Variants in EBAG9 observed in about 807,000 individuals in gnomAD.
EBAG9 encodes the protein estrogen receptor binding site associated antigen 9.
EBAG9 carries 16 observed loss-of-function variants against 30.9 expected under a neutral mutation model. The ratio of observed to expected loss-of-function variants is 0.52; its 90% confidence interval spans 0.35 to 0.79. The LOEUF (loss-of-function observed/expected upper bound fraction) is 0.79, where lower values mean the gene tolerates loss of function less well. Ranked by LOEUF, EBAG9 falls within the 30% of genes least tolerant of loss-of-function variation. EBAG9 has a pLI of 0.01. For missense variants in EBAG9, 197 were observed against 242.1 expected (o/e 0.81, Z 1.24); for synonymous variants, 93 against 82.8 (o/e 1.12, Z -0.67).
rs563532862 is a variant in EBAG9, at chr8:109,564,746, CAAAA to C, written c.*190_*193del. 14 of 643,292 alleles carry C rather than the reference CAAAA, an allele frequency of 2.2e-5. No individual in the cohort carries two copies. In the Admixed American group the frequency reaches 4.8e-4, roughly 22 times the overall value. 39.8% of individuals were successfully genotyped at this position (643,292 alleles called of 1,614,324 possible). A position where few individuals can be genotyped will look rare whatever the true frequency, so the allele number is the denominator to read the frequency against. The stretch of plus-strand genomic sequence containing the variant: ...TCTTAGTGATTGAGACTCAAAAAAA[CAAAA>C]AAGACTTGAGACAATGTTTTCTTCA... On this transcript the variant is annotated 3_prime_UTR_variant, in exon 7 of 7. Coordinates refer to ENST00000337573, the MANE Select transcript of EBAG9 (RefSeq NM_004215.5).
intron 1 of EBAG9, among the ~76,000 whole-genome samples, chr8:109,550,093 CTTAT>C (rs1821462753): frequency 6.6e-6 from 1 of 152,020 alleles, no homozygotes; most frequent in Non-Finnish European, 1.5e-5. Context: ...CGTCTGTCAT[CTTAT>C]TTGTTTTTGG....
intron 5 of EBAG9, among the ~76,000 whole-genome samples, chr8:109,558,110 T>A (rs1487891063): frequency 6.6e-6 from 1 of 152,250 alleles, no homozygotes; most frequent in Non-Finnish European, 1.5e-5. Flanking sequence ...GACATATTTT[T>A]AAATTACATC....
intron 1 of EBAG9, among the ~76,000 whole-genome samples, chr8:109,548,909 G>C (rs1821440135): frequency 7.4e-6 from 1 of 135,888 alleles, no homozygotes. Flanking sequence ...TTTTTTGCTG[G>C]ATTGCATTGG....
intron 6 of EBAG9, 150 bp downstream of exon 6, chr8:109,561,079 G>A: frequency 3.2e-6 from 2 of 625,424 alleles, no homozygotes; most frequent in Non-Finnish European, 5.4e-6. Flanking sequence ...TTGTATTTCA[G>A]ACTGCAGATA....
At position 109,564,695 on chromosome 8, in the gene EBAG9, C is replaced by T; in HGVS notation, c.*136C>T. On this transcript the variant is annotated 3_prime_UTR_variant, in exon 7 of 7. Transcript: ENST00000337573. ...ACATTGATCAGGCCATCCAGGACAC[C>T]ACGATTCTCCCAAAGTACCTTGAAC... The T allele has an allele frequency of 8.1e-7, 1 of 1,234,840 alleles. No homozygotes were observed. The highest frequency in any genetic ancestry group is 1.1e-6 in the Non-Finnish European group (1 of 901,520). The allele number at this position is 1,234,840 out of a possible 1,614,324, so 76.5% of individuals were successfully genotyped here.
At chr8:109,549,030 A>T (rs898831190) in intron 1 of EBAG9, among the ~76,000 whole-genome samples, 1 of 150,784 alleles carries the variant, frequency 6.6e-6, no homozygotes, top group South Asian at 2.1e-4. Context: ...GTCTCATATT[A>T]CTGTAGGTTT....
rs571475008 is a variant in EBAG9, at chr8:109,553,640, C to T, written c.84-225C>T. On this transcript the variant is annotated intron_variant, in intron 2 of 6. Transcript: ENST00000337573. Reference sequence around the variant, plus strand: ...TTGTTTATAATTCTGAGTCCTAAGCCAAAAAGCAGTTATGTTGTTCTGTCC... The same window carrying T: ...TTGTTTATAATTCTGAGTCCTAAGCTAAAAAGCAGTTATGTTGTTCTGTCC... 2.0e-5 allele frequency among the ~76,000 whole-genome samples: 3 copies of T among 152,138 alleles called. No homozygotes were observed. The South Asian group carries it at 6.2e-4, about 32-fold the overall frequency.
intron 3 of EBAG9, 22 bp from the exon 4 acceptor site, chr8:109,554,707 A>G (rs771446588): frequency 6.2e-7 from 1 of 1,605,642 alleles, no homozygotes; most frequent in East Asian, 2.2e-5. Context: ...TGTGGCTGAT[A>G]ATGTTGATCA....
chr8:109,564,630 T>C lies in EBAG9; in HGVS notation c.*71T>C. The C allele has an allele frequency of 6.3e-7, 1 of 1,580,080 alleles. No homozygotes were observed. Among genetic ancestry groups the C allele is most frequent in the Non-Finnish European group, 8.6e-7 (1 of 1,162,560 alleles). On this transcript the variant is annotated 3_prime_UTR_variant, in exon 7 of 7. Coordinates refer to ENST00000337573, the MANE Select transcript of EBAG9 (RefSeq NM_004215.5). ...ACAACCCAAGCAACATTTGTATGGA[T>C]TTAAGAGTATTTTAAGAAGACATAC...
chr8:109,551,518 C>G (rs1821494212), intron 2 of EBAG9, among the ~76,000 whole-genome samples: 1 of 152,100 alleles, frequency 6.6e-6, no homozygotes, highest in Non-Finnish European at 1.5e-5. Context: ...ATGAAATTCA[C>G]AGGGATGCCA....
intron 6 of EBAG9, 131 bp downstream of exon 6, chr8:109,561,060 CTT>C (rs1395420421): frequency 4.8e-5 from 28 of 586,852 alleles, no homozygotes; most frequent in South Asian, 8.0e-5. Flanking sequence ...ATAATAAGGA[CTT>C]TTTTTTTTGT....
chr8:109,564,002 T>C (rs1448142205), intron 6 of EBAG9, among the ~76,000 whole-genome samples: 3 of 152,082 alleles, frequency 2.0e-5, no homozygotes, highest in Non-Finnish European at 4.4e-5. Flanking sequence ...ACTGGCTGTT[T>C]GTAACTACTA....
intron 2 of EBAG9, among the ~76,000 whole-genome samples, chr8:109,552,568 T>A (rs1821515531): frequency 6.6e-6 from 1 of 152,194 alleles, no homozygotes; most frequent in Admixed American, 6.5e-5. Context: ...AATGTAGATG[T>A]TTTCTTCTTA....
At chr8:109,550,983 G>A (rs938517289) in intron 2 of EBAG9, 76 bp downstream of exon 2, 15 of 939,666 alleles carry the variant, frequency 1.6e-5, no homozygotes, top group Admixed American at 4.2e-5. Context: ...TTCAAATTTC[G>A]TGGACAGGAC....
At chr8:109,564,377 G>C in intron 6 of EBAG9, 62 bp from the exon 7 acceptor site, 1 of 1,577,616 alleles carries the variant, frequency 6.3e-7, no homozygotes, top group Non-Finnish European at 8.6e-7. Flanking sequence ...TTTCTTTCTA[G>C]AATTTATTTG....
intron 1 of EBAG9, among the ~76,000 whole-genome samples, chr8:109,549,474 A>C (rs1169708181): frequency 1.3e-5 from 2 of 151,932 alleles, no homozygotes; most frequent in Admixed American, 1.3e-4. Flanking sequence ...TTCCTTCCTA[A>C]GTGTTTTGTA....
At chr8:109,558,379 G>A (rs890705454) in intron 5 of EBAG9, among the ~76,000 whole-genome samples, 3 of 152,050 alleles carry the variant, frequency 2.0e-5, no homozygotes, top group Admixed American at 6.5e-5. Flanking sequence ...GCAGTTACAC[G>A]ATGCTATGAA....
At chr8:109,560,270 G>T (rs1478642180) in intron 5 of EBAG9, among the ~76,000 whole-genome samples, 2 of 152,178 alleles carry the variant, frequency 1.3e-5, no homozygotes, top group African/African-American at 2.4e-5. Flanking sequence ...GCATGACCTA[G>T]AAGTATTTCA....
At chr8:109,543,698 CAA>C (rs1249221252) in intron 1 of EBAG9, among the ~76,000 whole-genome samples, 2 of 151,688 alleles carry the variant, frequency 1.3e-5, no homozygotes, top group African/African-American at 2.4e-5. Flanking sequence ...CTGCTTTTTT[CAA>C]GACTTTAGGA....
Sources: allele counts gnomAD v4.1 joint callset (sites outside exome capture counted in the v4.1 genomes callset), GRCh38; gene constraint gnomAD v4.1.1; transcripts MANE v1.5; gene names NCBI Gene and HGNC (gene_info 2026-07-23, HGNC 2026-07-21).